The following B3GALT1 variants were observed in gnomAD, a reference collection of about 807,000 sequenced individuals.
B3GALT1 encodes UDP-Gal:betaGlcNAc beta 1,3-galactosyltransferase, polypeptide 1.
In B3GALT1, 10 loss-of-function variants were observed where a neutral mutation model predicts 23.2. That is an observed-to-expected ratio of 0.43 (90% CI 0.27 to 0.73). The LOEUF (loss-of-function observed/expected upper bound fraction) is 0.73, where lower values mean the gene tolerates loss of function less well. Ranked by LOEUF, B3GALT1 falls within the 30% of genes least tolerant of loss-of-function variation. B3GALT1 has a pLI of 0.21. For missense variants in B3GALT1, 299 were observed against 405.4 expected (o/e 0.74, Z 2.25); for synonymous variants, 156 against 141.5 (o/e 1.10, Z -0.73).
intron 4 of B3GALT1, among the ~76,000 whole-genome samples, chr2:167,825,463 C>CGTGT (rs771779416): frequency 8.3e-5 from 11 of 132,296 alleles, no homozygotes; most frequent in African/African-American, 3.6e-4. Flanking sequence ...TGTGCGTGCA[C>CGTGT]GTGTGTGTGT....
intron 1 of B3GALT1, among the ~76,000 whole-genome samples, chr2:167,358,007 A>G (rs1697441614): frequency 6.6e-6 from 1 of 152,188 alleles, no homozygotes; most frequent in East Asian, 1.9e-4. Flanking sequence ...AGTATTTTGG[A>G]TAGGATTTCA....
At chr2:167,376,597 G>T (rs965825762) in intron 1 of B3GALT1, among the ~76,000 whole-genome samples, 1 of 152,008 alleles carries the variant, frequency 6.6e-6, no homozygotes. Flanking sequence ...AAATTTATCT[G>T]TTTCTTGTAG....
At chr2:167,328,958 G>T (rs1279839337) in intron 1 of B3GALT1, among the ~76,000 whole-genome samples, 3 of 151,948 alleles carry the variant, frequency 2.0e-5, no homozygotes, top group Non-Finnish European at 4.4e-5. Context: ...GTCTACAGGG[G>T]CGCACCACCA....
At chr2:167,485,657 A>G (rs1486209982) in intron 1 of B3GALT1, among the ~76,000 whole-genome samples, 1 of 152,212 alleles carries the variant, frequency 6.6e-6, no homozygotes. Flanking sequence ...AGTACTTTGC[A>G]TGAAGACTGC....
chr2:167,572,150 T>G (rs905402109), intron 2 of B3GALT1, among the ~76,000 whole-genome samples: 1 of 151,784 alleles, frequency 6.6e-6, no homozygotes, highest in Non-Finnish European at 1.5e-5. Context: ...GAACAATAAT[T>G]AAAATGAAAG....
intron 2 of B3GALT1, among the ~76,000 whole-genome samples, chr2:167,558,811 G>C (rs188916624): frequency 8.9e-4 from 136 of 152,344 alleles, no homozygotes; most frequent in African/African-American, 2.2e-3. Flanking sequence ...CAGGAAGTTC[G>C]AACTGGGTGG....
intron 3 of B3GALT1, among the ~76,000 whole-genome samples, chr2:167,767,195 T>A (rs867096452): frequency 3.3e-5 from 5 of 152,302 alleles, no homozygotes; most frequent in African/African-American, 1.2e-4. Flanking sequence ...GCTGAACCAA[T>A]TGAGGTGTTG....
intron 4 of B3GALT1, among the ~76,000 whole-genome samples, chr2:167,855,941 A>G (rs1689992714): frequency 6.6e-6 from 1 of 152,156 alleles, no homozygotes; most frequent in East Asian, 1.9e-4. Context: ...CATTTCTTTA[A>G]TAGTCTTTAA....
chr2:167,402,612 A>G (rs1698211195), intron 1 of B3GALT1, among the ~76,000 whole-genome samples: 1 of 152,118 alleles, frequency 6.6e-6, no homozygotes, highest in South Asian at 2.1e-4. Context: ...GGTAGGTATT[A>G]TTATTTTCAT....
intron 4 of B3GALT1, among the ~76,000 whole-genome samples, chr2:167,861,463 C>T (rs1690097431): frequency 6.6e-6 from 1 of 152,030 alleles, no homozygotes; most frequent in Non-Finnish European, 1.5e-5. Flanking sequence ...CTGGGAAACA[C>T]AAAGATAACA....
intron 3 of B3GALT1, among the ~76,000 whole-genome samples, chr2:167,742,941 ATG>A (rs1328199285): frequency 6.6e-6 from 1 of 152,114 alleles, no homozygotes; most frequent in Non-Finnish European, 1.5e-5. Context: ...AAAGAAAAAA[ATG>A]TGTCACATGT....
chr2:167,714,446 A>G, intron 3 of B3GALT1: 2 of 1,587,984 alleles, frequency 1.3e-6, no homozygotes, highest in South Asian at 1.1e-5. Flanking sequence ...ATCCTCCAAC[A>G]AAGTTTGAGG....
At chr2:167,612,972 A>G (rs1653387) in intron 2 of B3GALT1, among the ~76,000 whole-genome samples, 10,031 of 152,032 alleles carry the variant, frequency 0.066, 817 homozygotes, top group African/African-American at 0.19. Context: ...TTGTGTGTCA[A>G]AAATAAATGT....
intron 3 of B3GALT1, among the ~76,000 whole-genome samples, chr2:167,668,165 C>T (rs183322338): frequency 1.3e-5 from 2 of 151,976 alleles, no homozygotes; most frequent in Non-Finnish European, 2.9e-5. Context: ...TTCCTTCTAA[C>T]AGACAGCAGG....
chr2:167,580,802 G>A (rs1384617032), intron 2 of B3GALT1, among the ~76,000 whole-genome samples: 1 of 152,166 alleles, frequency 6.6e-6, no homozygotes, highest in Non-Finnish European at 1.5e-5. Context: ...CTCCAGTGAA[G>A]ATAGAGTAAG....
chr2:167,400,459 T>C (rs1354282553), intron 1 of B3GALT1, among the ~76,000 whole-genome samples: 3 of 152,124 alleles, frequency 2.0e-5, no homozygotes, highest in Admixed American at 6.6e-5. Flanking sequence ...ATATAAATTA[T>C]TCCATTATGT....
chr2:167,526,554 T>A (rs558929916), intron 2 of B3GALT1, among the ~76,000 whole-genome samples: 1 of 152,340 alleles, frequency 6.6e-6, no homozygotes, highest in South Asian at 2.1e-4. Context: ...GCCTATTTCT[T>A]CAAGTCCTCA....
intron 2 of B3GALT1, among the ~76,000 whole-genome samples, chr2:167,584,688 C>A (rs1181178532): frequency 6.6e-6 from 1 of 152,100 alleles, no homozygotes; most frequent in Non-Finnish European, 1.5e-5. Flanking sequence ...CCTACAACCC[C>A]CTCCTTGGTT....
chr2:167,469,650 G>A (rs1699397704), intron 1 of B3GALT1, among the ~76,000 whole-genome samples: 1 of 152,058 alleles, frequency 6.6e-6, no homozygotes, highest in African/African-American at 2.4e-5. Flanking sequence ...ACTTATGATT[G>A]TAAAGTAAAA....
Sources: allele counts gnomAD v4.1 joint callset (sites outside exome capture counted in the v4.1 genomes callset), GRCh38; gene constraint gnomAD v4.1.1; transcripts MANE v1.5; gene names NCBI Gene and HGNC (gene_info 2026-07-23, HGNC 2026-07-21).